ADRA1A: variants seen among roughly 807,000 people sequenced by gnomAD.
ADRA1A encodes alpha-1A adrenergic receptor.
In ADRA1A, 31 loss-of-function variants were observed where a neutral mutation model predicts 29.6. The ratio of observed to expected loss-of-function variants is 1.05; its 90% confidence interval spans 0.79 to 1.41. The LOEUF is 1.41. Ranked by LOEUF, ADRA1A falls within the 40% of genes most tolerant of loss-of-function variation. The pLI, the probability that ADRA1A is intolerant of heterozygous loss-of-function variation, is 0.00. For missense variants in ADRA1A, 619 were observed against 601.1 expected (o/e 1.03, Z -0.31); for synonymous variants, 311 against 254.3 (o/e 1.22, Z -2.12).
intron 2 of ADRA1A, among the ~76,000 whole-genome samples, chr8:26,857,043 C>T (rs1003775230): frequency 2.0e-5 from 3 of 152,204 alleles, no homozygotes; most frequent in Non-Finnish European, 4.4e-5. Context: ...TGTCTCGCTT[C>T]CCCTTGAACC....
chr8:26,814,806 T>G (rs1442756065), intron 2 of ADRA1A, among the ~76,000 whole-genome samples: 1 of 152,232 alleles, frequency 6.6e-6, no homozygotes, highest in East Asian at 1.9e-4. Flanking sequence ...TATTTTGCTG[T>G]GCTGAATTTT....
At chr8:26,800,190 C>T (rs1038158423) in intron 2 of ADRA1A, among the ~76,000 whole-genome samples, 4 of 152,004 alleles carry the variant, frequency 2.6e-5, no homozygotes, top group Non-Finnish European at 5.9e-5. Context: ...ACCTAGGAGG[C>T]AGAGGTTGCA....
intron 2 of ADRA1A, among the ~76,000 whole-genome samples, chr8:26,814,738 A>T (rs1809647063): frequency 6.6e-6 from 1 of 152,214 alleles, no homozygotes; most frequent in Non-Finnish European, 1.5e-5. Context: ...TGGCCAAATG[A>T]TAATGGTGGT....
At chr8:26,771,000 T>TTTGCCTAATTGAAAA (rs35151519) in intron 2 of ADRA1A, among the ~76,000 whole-genome samples, 34,352 of 151,974 alleles carry the variant, frequency 0.23, 5,651 homozygotes, top group East Asian at 0.78. Flanking sequence ...TGTAAATTGT[T>TTTGCCTAATTGAAAA]TTGCCTAAAT....
In ADRA1A at chr8:26,756,957, T is replaced by A. The variant is rs1805203148; in HGVS notation, c.1270-178A>T. 6.5e-6 allele frequency: 6 copies of A among 918,548 alleles called. No homozygotes were observed. The South Asian group carries it at 9.2e-5, about 14-fold the overall frequency. The allele number at this position is 918,548 out of a possible 1,614,324, so 56.9% of individuals were successfully genotyped here. ...GTAGAGCGGGTTCTCAAGTTGAGGA[T>A]CCCTCTCATTTCCTCATTAGCCAGG... is the stretch of plus-strand genomic sequence containing the variant. On this transcript the variant is annotated intron_variant, in intron 2 of 2. Coordinates refer to the ADRA1A transcript ENST00000380582.
intron 2 of ADRA1A, among the ~76,000 whole-genome samples, chr8:26,857,380 A>G (rs1813125721): frequency 6.6e-6 from 1 of 152,194 alleles, no homozygotes; most frequent in Non-Finnish European, 1.5e-5. Flanking sequence ...CTTAAAATAA[A>G]TTCTAGCCAG....
At chr8:26,760,409 C>G (rs1022540114) in intron 2 of ADRA1A, among the ~76,000 whole-genome samples, 1 of 152,164 alleles carries the variant, frequency 6.6e-6, no homozygotes, top group African/African-American at 2.4e-5. Context: ...TTTAGCAGGG[C>G]CTGGCTGTCT....
intron 2 of ADRA1A, among the ~76,000 whole-genome samples, chr8:26,820,928 C>T (rs531958998): frequency 5.9e-5 from 9 of 152,188 alleles, no homozygotes; most frequent in East Asian, 5.8e-4. Context: ...CTCACTCTGT[C>T]GCCCAGGCTG....
chr8:26,846,927 G>A (rs544090406), intron 2 of ADRA1A, among the ~76,000 whole-genome samples: 3 of 152,266 alleles, frequency 2.0e-5, no homozygotes, highest in Admixed American at 6.5e-5. Context: ...TAGGGACATG[G>A]ATGAAATTGG....
chr8:26,789,981 G>A (rs1427812225), intron 2 of ADRA1A, among the ~76,000 whole-genome samples: 1 of 152,104 alleles, frequency 6.6e-6, no homozygotes, highest in African/African-American at 2.4e-5. Flanking sequence ...GGGAAGAAAA[G>A]GGAACTATTA....
At chr8:26,833,627 T>C (rs540463187) in intron 2 of ADRA1A, among the ~76,000 whole-genome samples, 5 of 152,200 alleles carry the variant, frequency 3.3e-5, no homozygotes, top group Non-Finnish European at 5.9e-5. Flanking sequence ...TAAGTAGACA[T>C]ACAATCAGTC....
chr8:26,800,021 G>C (rs563473050), intron 2 of ADRA1A, among the ~76,000 whole-genome samples: 1 of 152,178 alleles, frequency 6.6e-6, no homozygotes, highest in Admixed American at 6.5e-5. Flanking sequence ...CACTGTGGGA[G>C]GCTGAGGATT....
chr8:26,856,939 T>C (rs1163562271), intron 2 of ADRA1A, among the ~76,000 whole-genome samples: 1 of 152,220 alleles, frequency 6.6e-6, no homozygotes, highest in Non-Finnish European at 1.5e-5. Context: ...GAAATGTAAT[T>C]TGGCACACTT....
At chr8:26,808,802 A>G (rs1809179178) in intron 2 of ADRA1A, among the ~76,000 whole-genome samples, 1 of 152,238 alleles carries the variant, frequency 6.6e-6, no homozygotes, top group Non-Finnish European at 1.5e-5. Context: ...CATTTTGGAC[A>G]TATGTCCTTT....
chr8:26,822,883 G>A (rs1810277763), intron 2 of ADRA1A, among the ~76,000 whole-genome samples: 1 of 152,104 alleles, frequency 6.6e-6, no homozygotes, highest in African/African-American at 2.4e-5. Flanking sequence ...GGGAGGAGGT[G>A]CCACACACTT....
rs1810354754 is a variant in ADRA1A at position 26,823,864 on chromosome 8, C to G, written c.883+40223G>C. 6.6e-6 allele frequency among the ~76,000 whole-genome samples: 1 copy of G among 152,186 alleles called. No individual in the cohort carries two copies. Among genetic ancestry groups the G allele is most frequent in the African/African-American group, 2.4e-5 (1 of 41,430 alleles). On this transcript the variant is annotated intron_variant, in intron 2 of 2. Coordinates refer to ENST00000380573, the MANE Select transcript of ADRA1A (RefSeq NM_000680.4). The surrounding 1 kb of genome is among the most constrained non-coding windows in gnomAD (Gnocchi z 4.2). ...GTCAAAACCCCACAATATAGTAAGACAGCGGCAGAATTGGAAATGAAATCT... is the reference window on the plus strand; with the variant it reads ...GTCAAAACCCCACAATATAGTAAGAGAGCGGCAGAATTGGAAATGAAATCT...
intron 2 of ADRA1A, among the ~76,000 whole-genome samples, chr8:26,774,158 G>A (rs1806371262): frequency 6.6e-6 from 1 of 152,232 alleles, no homozygotes; most frequent in Non-Finnish European, 1.5e-5. Context: ...GCAGCCAGAT[G>A]TGTGTAAGCC....
At chr8:26,830,364 G>T (rs886493276) in intron 2 of ADRA1A, among the ~76,000 whole-genome samples, 2 of 152,188 alleles carry the variant, frequency 1.3e-5, no homozygotes, top group African/African-American at 4.8e-5. Flanking sequence ...CTAAGATCTT[G>T]CAGTCTGAAA....
downstream of ADRA1A, among the ~76,000 whole-genome samples, chr8:26,766,529 C>T (rs570956238): frequency 2.0e-5 from 3 of 152,144 alleles, no homozygotes; most frequent in African/African-American, 7.2e-5. Flanking sequence ...GGAGATTTGG[C>T]AGCATGTTTG....
Sources: gnomAD v4.1 joint callset for allele counts (sites outside exome capture counted in the v4.1 genomes callset) on GRCh38, gnomAD v4.1.1 for gene constraint, Gnocchi (gnomAD v3.1) non-coding constraint, MANE v1.5 for transcripts, NCBI Gene and HGNC (gene_info 2026-07-23, HGNC 2026-07-21) for gene names.